CDYL2: variants seen among roughly 807,000 people sequenced by gnomAD.
The protein encoded by CDYL2 is chromodomain Y-like protein 2.
A neutral mutation model predicts 49.4 loss-of-function variants in CDYL2; 23 were observed. That is an observed-to-expected ratio of 0.47 (90% CI 0.34 to 0.66). The LOEUF (loss-of-function observed/expected upper bound fraction) is 0.66. Among genes scored for constraint, CDYL2 ranks in the 30% least tolerant of loss-of-function variants. CDYL2 has a pLI of 0.01. For synonymous variants in CDYL2, 360 were observed against 268.8 expected, an observed-to-expected ratio of 1.34 and a Z score of -3.32; for missense variants, 678 against 656.4, an observed-to-expected ratio of 1.03 and a Z score of -0.36.
chr16:80,754,284 A>T (rs570015945), intron 1 of CDYL2, among the ~76,000 whole-genome samples: 1 of 152,286 alleles, frequency 6.6e-6, no homozygotes, highest in East Asian at 1.9e-4. Flanking sequence ...AGGAGCTACA[A>T]CCAACAGGTG....
chr16:80,745,941 C>G (rs368913022), intron 1 of CDYL2, among the ~76,000 whole-genome samples: 1 of 152,336 alleles, frequency 6.6e-6, no homozygotes, highest in African/African-American at 2.4e-5. Flanking sequence ...CCCAACTACA[C>G]AGCCCTGTGA....
At chr16:80,752,419 T>C (rs540681714) in intron 1 of CDYL2, among the ~76,000 whole-genome samples, 28 of 151,718 alleles carry the variant, frequency 1.8e-4, no homozygotes, top group Admixed American at 5.3e-4. Context: ...AGTCACAAAA[T>C]CCCAAGCAGA....
chr16:80,665,300 G>A (rs1909214443), intron 2 of CDYL2, among the ~76,000 whole-genome samples: 1 of 151,852 alleles, frequency 6.6e-6, no homozygotes, highest in Non-Finnish European at 1.5e-5. Flanking sequence ...GTTCATGTAG[G>A]GCACTGCCGT....
At chr16:80,645,329 T>G (rs541761056) in intron 2 of CDYL2, among the ~76,000 whole-genome samples, 1 of 151,962 alleles carries the variant, frequency 6.6e-6, no homozygotes, top group African/African-American at 2.4e-5. Flanking sequence ...GCGAAGGATA[T>G]GAACACACAC....
intron 1 of CDYL2, among the ~76,000 whole-genome samples, chr16:80,752,761 G>C (rs1368201716): frequency 2.0e-5 from 3 of 152,198 alleles, no homozygotes; most frequent in Admixed American, 6.5e-5. Flanking sequence ...GATTTCTGTG[G>C]TGTAAATACT....
chr16:80,687,397 G>A (rs951964149), intron 1 of CDYL2, among the ~76,000 whole-genome samples: 6 of 152,084 alleles, frequency 3.9e-5, no homozygotes, highest in East Asian at 1.9e-4. Context: ...TGGATGGGTG[G>A]ATGGGTGGGT....
intron 3 of CDYL2, among the ~76,000 whole-genome samples, chr16:80,626,442 T>C (rs1907307252): frequency 6.6e-6 from 1 of 152,156 alleles, no homozygotes; most frequent in South Asian, 2.1e-4. Context: ...AGAGGAGGAA[T>C]GACTAGGGTT....
At chr16:80,623,156 C>T (rs1370802780) in intron 3 of CDYL2, among the ~76,000 whole-genome samples, 1 of 151,620 alleles carries the variant, frequency 6.6e-6, no homozygotes, top group Non-Finnish European at 1.5e-5. Flanking sequence ...ACACATCCCT[C>T]AGGAGGTGGC....
At chr16:80,687,431 T>C (rs1910242349) in intron 1 of CDYL2, among the ~76,000 whole-genome samples, 2 of 151,630 alleles carry the variant, frequency 1.3e-5, no homozygotes, top group Non-Finnish European at 1.5e-5. Context: ...AATGGATAGA[T>C]GGATGGTGGG....
At chr16:80,772,717 C>T in intron 1 of CDYL2, among the ~76,000 whole-genome samples, 1 of 152,164 alleles carries the variant, frequency 6.6e-6, no homozygotes, top group East Asian at 1.9e-4. Context: ...TCCCAAAGTG[C>T]TGGGATTACA....
chr16:80,666,866 T>C (rs755018286), intron 2 of CDYL2, among the ~76,000 whole-genome samples: 2 of 152,184 alleles, frequency 1.3e-5, no homozygotes, highest in Admixed American at 6.5e-5. Context: ...CTCATTCATT[T>C]CTTAAGCACC....
chr16:80,738,860 T>G (rs1053848925), intron 1 of CDYL2: 1 of 152,232 alleles, frequency 6.6e-6, no homozygotes, highest in Non-Finnish European at 1.5e-5. Context: ...AAAATGGAGA[T>G]GATGATAGTG....
chr16:80,763,708 T>A (rs1021830331), intron 1 of CDYL2, among the ~76,000 whole-genome samples: 1 of 152,204 alleles, frequency 6.6e-6, no homozygotes, highest in Admixed American at 6.5e-5. Context: ...AAAAGTGACA[T>A]TAATCTTGGT....
intron 1 of CDYL2, among the ~76,000 whole-genome samples, chr16:80,796,782 G>A (rs1452805988): frequency 1.3e-5 from 2 of 152,072 alleles, no homozygotes; most frequent in Non-Finnish European, 2.9e-5. Context: ...TCTTAGAAGA[G>A]TTGCCCATAC....
Position 80,684,842 on chromosome 16 carries a change from A to G in CDYL2, c.312T>C (p.His104=). Residue 104 remains histidine (H), a synonymous_variant, in exon 2 of 7, where the codon CAT becomes CAC. Transcript: ENST00000570137. ...GGGGAGGGTTAATTCGCTTCCGTTTATGGGAGGTCCCCTTGCTCTTTCCAG... is the reference window on the plus strand; with the variant it reads ...GGGGAGGGTTAATTCGCTTCCGTTTGTGGGAGGTCCCCTTGCTCTTTCCAG... ...SDPGKSKGTS[H]KRKRINPPLA... The G allele has an allele frequency of 4.3e-6, 7 of 1,613,980 alleles. No homozygotes were observed. The highest frequency in any genetic ancestry group is 5.9e-6 in the Non-Finnish European group (7 of 1,180,012).
At chr16:80,745,997 G>C (rs1905916422) in intron 1 of CDYL2, among the ~76,000 whole-genome samples, 1 of 152,196 alleles carries the variant, frequency 6.6e-6, no homozygotes, top group Non-Finnish European at 1.5e-5. Flanking sequence ...GGCTGCTGCA[G>C]GCAGAAGGTA....
chr16:80,632,867 G>T, intron 3 of CDYL2, 152 bp downstream of exon 3: 1 of 654,418 alleles, frequency 1.5e-6, no homozygotes, highest in Non-Finnish European at 2.7e-6. Flanking sequence ...TATGTAAAAT[G>T]ATGAGCAAAT....
At chr16:80,722,668 C>T (rs1439594729) in intron 1 of CDYL2, among the ~76,000 whole-genome samples, 1 of 152,190 alleles carries the variant, frequency 6.6e-6, no homozygotes, top group Non-Finnish European at 1.5e-5. Context: ...TGACAGACAT[C>T]CGAAAACCAG....
chr16:80,616,168 C>T (rs957806477), intron 4 of CDYL2, among the ~76,000 whole-genome samples: 4 of 152,208 alleles, frequency 2.6e-5, no homozygotes, highest in Non-Finnish European at 5.9e-5. Context: ...CTCAGTTCTG[C>T]CCCTAACTAA....
Sources: allele counts gnomAD v4.1 joint callset (sites outside exome capture counted in the v4.1 genomes callset), GRCh38; gene constraint gnomAD v4.1.1; transcripts MANE v1.5; gene names NCBI Gene and HGNC (gene_info 2026-07-23, HGNC 2026-07-21).